Variants in TNFRSF11A observed in about 807,000 individuals in gnomAD.
TNFRSF11A encodes tumor necrosis factor receptor superfamily member 11A.
In TNFRSF11A, 32 loss-of-function variants were observed where a neutral mutation model predicts 55.7. That is an observed-to-expected ratio of 0.57 (90% CI 0.43 to 0.77). The LOEUF is 0.77. Among genes scored for constraint, TNFRSF11A ranks in the 30% least tolerant of loss-of-function variants. The probability of loss-of-function intolerance (pLI) is 0.00; values close to 1 mark genes in which losing one functional copy is unlikely to be tolerated. For missense variants in TNFRSF11A, 753 were observed against 809.8 expected, an observed-to-expected ratio of 0.93 and a Z score of 0.85; for synonymous variants, 311 against 331.0, an observed-to-expected ratio of 0.94 and a Z score of 0.65.
At chr18:62,372,653 C>T (rs771201405) in intron 9 of TNFRSF11A, among the ~76,000 whole-genome samples, 4 of 152,114 alleles carry the variant, frequency 2.6e-5, no homozygotes, top group Non-Finnish European at 4.4e-5. Context: ...CCTTGTTTCT[C>T]TCCCTCTCTC....
chr18:62,358,838 C>T (rs1245979675), intron 5 of TNFRSF11A, among the ~76,000 whole-genome samples: 1 of 152,076 alleles, frequency 6.6e-6, no homozygotes, highest in Admixed American at 6.6e-5. Context: ...TGGCTTTTCA[C>T]AGCTGCATAG....
At chr18:62,331,163 A>G (rs2046146522) in intron 1 of TNFRSF11A, among the ~76,000 whole-genome samples, 1 of 152,166 alleles carries the variant, frequency 6.6e-6, no homozygotes, top group Admixed American at 6.5e-5. Context: ...GAGTGGCACC[A>G]CTGCACTCCA....
In TNFRSF11A at chr18:62,383,948, G is replaced by T. The variant is rs968949112; in HGVS notation, c.1568-803G>T. On this transcript the variant is annotated intron_variant, in intron 9 of 9. Coordinates refer to ENST00000586569, the MANE Select transcript of TNFRSF11A (RefSeq NM_003839.4). This position sits in a 1 kb window ranked among gnomAD's most constrained non-coding sequence, Gnocchi z 4.2. Reference sequence around the variant, plus strand: ...CCAGGGCTGAGTTGTTAGGGACCATGAGGAACCAAGGCACCCACGGTGATG... The same window carrying T: ...CCAGGGCTGAGTTGTTAGGGACCATTAGGAACCAAGGCACCCACGGTGATG... 6.6e-6 allele frequency among the ~76,000 whole-genome samples: 1 copy of T among 152,058 alleles called. No individual in the cohort carries two copies. Among genetic ancestry groups the T allele is most frequent in the African/African-American group, 2.4e-5 (1 of 41,416 alleles).
rs576970851 is a variant in TNFRSF11A at position 62,335,330 on chromosome 18, T to A, written c.75+9903T>A. On this transcript the variant is annotated intron_variant, in intron 1 of 9. Coordinates refer to ENST00000586569, the MANE Select transcript of TNFRSF11A (RefSeq NM_003839.4). ...TTTACCATATTGGCCAGTTTCGAAC[T>A]CCTCACCTCAGGTGATCCACCTGCC... 2.0e-5 allele frequency among the ~76,000 whole-genome samples: 3 copies of A among 152,228 alleles called. No homozygotes were observed. In the South Asian group the frequency reaches 6.2e-4, roughly 32 times the overall value.
rs1911785035 is a variant in TNFRSF11A, at chr18:62,387,081, A to G, written c.*2047A>G. 6.6e-6 allele frequency: 1 copy of G among 152,232 alleles called. No homozygotes were observed. The highest frequency in any genetic ancestry group is 1.5e-5 in the Non-Finnish European group (1 of 68,046). 9.4% of individuals were successfully genotyped at this position (152,232 alleles called of 1,614,324 possible). ...TTTTTTCCTTCTATAAAAAGGCAAT[A>G]ATGATAATTTATAATAGTTTCCCTA... On this transcript the variant is annotated 3_prime_UTR_variant, in exon 10 of 10. Coordinates refer to ENST00000586569, the MANE Select transcript of TNFRSF11A (RefSeq NM_003839.4).
At chr18:62,330,248 TGTC>T (rs1208046888) in intron 1 of TNFRSF11A, among the ~76,000 whole-genome samples, 1 of 152,146 alleles carries the variant, frequency 6.6e-6, no homozygotes, top group Non-Finnish European at 1.5e-5. Flanking sequence ...GTTTTCAACT[TGTC>T]GTGGGCACAC....
chr18:62,360,775 A>G (rs4524034), intron 6 of TNFRSF11A, among the ~76,000 whole-genome samples: 30,497 of 152,052 alleles, frequency 0.2, 3,724 homozygotes, highest in East Asian at 0.58. Flanking sequence ...GTAGAGTTTC[A>G]GATTGCCAGA....
intron 1 of TNFRSF11A, among the ~76,000 whole-genome samples, chr18:62,329,672 G>T (rs1257072417): frequency 6.6e-6 from 1 of 152,176 alleles, no homozygotes; most frequent in Non-Finnish European, 1.5e-5. Context: ...GAACTTTTGA[G>T]GTTTAAAACC....
intron 1 of TNFRSF11A, among the ~76,000 whole-genome samples, chr18:62,346,291 C>G (rs1315627518): frequency 6.6e-6 from 1 of 152,204 alleles, no homozygotes; most frequent in Admixed American, 6.5e-5. Context: ...ATGAATCCAG[C>G]TTTTTGACCC....
chr18:62,350,405 G>C (rs2046449557), intron 3 of TNFRSF11A, among the ~76,000 whole-genome samples: 1 of 152,084 alleles, frequency 6.6e-6, no homozygotes, highest in South Asian at 2.1e-4. Context: ...CCATTCTCCT[G>C]CCTCAGCCTC....
chr18:62,366,783 C>T (rs973031840), intron 8 of TNFRSF11A, 23 bp downstream of exon 8: 2 of 1,613,498 alleles, frequency 1.2e-6, no homozygotes, highest in Non-Finnish European at 1.7e-6. Flanking sequence ...GTTGTTGGTG[C>T]CTCTGTTAAG....
In TNFRSF11A at chr18:62,342,689, T is replaced by C. The variant is rs2046331503; in HGVS notation, c.76-5479T>C. Among the ~76,000 whole-genome samples the C allele has an allele frequency of 2.6e-5, 4 of 152,168 alleles. No homozygotes were observed. In the South Asian group the frequency reaches 8.3e-4, roughly 32 times the overall value. On this transcript the variant is annotated intron_variant, in intron 1 of 9. Coordinates refer to ENST00000586569, the MANE Select transcript of TNFRSF11A (RefSeq NM_003839.4). Reference sequence around the variant, plus strand: ...TAAGGAAGGGGCAGACCAGGAATGATAGCCCAGAACATCTGAATTCAAAGG... The same window carrying C: ...TAAGGAAGGGGCAGACCAGGAATGACAGCCCAGAACATCTGAATTCAAAGG...
chr18:62,354,289 G>A (rs1417679095), intron 3 of TNFRSF11A, 102 bp from the exon 4 acceptor site: 1 of 1,393,582 alleles, frequency 7.2e-7, no homozygotes, highest in African/African-American at 1.4e-5. Context: ...CCTGCCAGGC[G>A]GGCTGCTGCT....
At chr18:62,326,403 G>C (rs1268550074) in intron 1 of TNFRSF11A, among the ~76,000 whole-genome samples, 1 of 152,210 alleles carries the variant, frequency 6.6e-6, no homozygotes, top group Non-Finnish European at 1.5e-5. Flanking sequence ...AGATTCTAGG[G>C]AAGATTCATT....
rs937719546 is a variant in TNFRSF11A at position 62,383,595 on chromosome 18, T to A, written c.1568-1156T>A. Among the ~76,000 whole-genome samples the A allele has an allele frequency of 3.3e-5, 5 of 152,216 alleles. No individual in the cohort carries two copies. In the South Asian group the frequency reaches 8.3e-4, roughly 25 times the overall value. On this transcript the variant is annotated intron_variant, in intron 9 of 9. Transcript: ENST00000586569. This position sits in a 1 kb window ranked among gnomAD's most constrained non-coding sequence, Gnocchi z 4.2. ...TCTAGATCTGCTTGGTTTGTGGCAC[T>A]TTCCTAGACCAAAGTCTAGGAAATT...
At chr18:62,369,844 C>T (rs1910404835) in intron 9 of TNFRSF11A, among the ~76,000 whole-genome samples, 1 of 152,184 alleles carries the variant, frequency 6.6e-6, no homozygotes, top group Admixed American at 6.5e-5. Context: ...CCAAGGCATT[C>T]CCTCAGATTT....
chr18:62,360,446 C>CTTTT (rs555339154), intron 6 of TNFRSF11A, among the ~76,000 whole-genome samples: 1 of 147,922 alleles, frequency 6.8e-6, no homozygotes. Context: ...TTAAATTAAT[C>CTTTT]TTTTTTTTTT....
chr18:62,362,361 A>G (rs2145333685), intron 7 of TNFRSF11A, among the ~76,000 whole-genome samples: 1 of 152,092 alleles, frequency 6.6e-6, no homozygotes, highest in South Asian at 2.1e-4. Flanking sequence ...ATGGTGGCAC[A>G]TGCCTGTAAT....
Position 62,348,219 on chromosome 18 carries a change from C to T in TNFRSF11A, c.127C>T (p.Leu43=). The part of the protein sequence containing the change: ...PCTSEKHYEH[L]GRCCNKCEPG... ...TACCAGTGAGAAGCATTATGAGCAT[C>T]TGGGACGGTGCTGTAACAAATGTGA... is the stretch of plus-strand genomic sequence containing the variant. The change falls in exon 2 of 10, where the codon CTG becomes TTG. Residue 43 remains leucine (L), a synonymous_variant. Coordinates refer to ENST00000586569, the MANE Select transcript of TNFRSF11A (RefSeq NM_003839.4). 6.2e-7 allele frequency: 1 copy of T among 1,614,136 alleles called. No homozygotes were observed. Among genetic ancestry groups the T allele is most frequent in the Non-Finnish European group, 8.5e-7 (1 of 1,180,032 alleles).
Sources: allele counts gnomAD v4.1 joint callset (sites outside exome capture counted in the v4.1 genomes callset), GRCh38; gene constraint gnomAD v4.1.1; non-coding constraint Gnocchi (gnomAD v3.1); transcripts MANE v1.5; gene names NCBI Gene and HGNC (gene_info 2026-07-23, HGNC 2026-07-21).